Variants in DPP10 observed in about 807,000 individuals in gnomAD.
The protein encoded by DPP10 is dipeptidyl peptidase like 10, also known as inactive dipeptidyl peptidase 10.
Under a neutral mutation model 120.9 loss-of-function variants are expected in DPP10, and 33 were observed. The observed-to-expected ratio is 0.27, with a 90% CI of 0.21 to 0.37. The LOEUF (loss-of-function observed/expected upper bound fraction) is 0.37, where lower values mean the gene tolerates loss of function less well. Ranked by LOEUF, DPP10 falls within the 10% of genes least tolerant of loss-of-function variation. DPP10 has a pLI of 1.00. For missense variants in DPP10, 816 were observed against 942.8 expected, an observed-to-expected ratio of 0.87 and a Z score of 1.76; for synonymous variants, 337 against 326.1, an observed-to-expected ratio of 1.03 and a Z score of -0.36.
chr2:115,067,093 A>G (rs1437075835), intron 1 of DPP10, among the ~76,000 whole-genome samples: 1 of 151,940 alleles, frequency 6.6e-6, no homozygotes, highest in African/African-American at 2.4e-5. Context: ...GGCAATCATC[A>G]TTTTTCTCTC....
At chr2:115,726,176 A>G (rs953059145) in intron 7 of DPP10, among the ~76,000 whole-genome samples, 26 of 152,106 alleles carry the variant, frequency 1.7e-4, no homozygotes, top group Non-Finnish European at 1.5e-5. Context: ...TATTGCTGCT[A>G]CTGTTCTGCT....
intron 5 of DPP10, among the ~76,000 whole-genome samples, chr2:115,592,558 C>A (rs186465437): frequency 1.4e-4 from 20 of 145,782 alleles, no homozygotes; most frequent in African/African-American, 4.9e-4. Flanking sequence ...CATGGTGAAA[C>A]CCCGTCTCTG....
At chr2:115,224,432 T>G (rs2057333419) in intron 1 of DPP10, among the ~76,000 whole-genome samples, 1 of 152,110 alleles carries the variant, frequency 6.6e-6, no homozygotes, top group Admixed American at 6.6e-5. Flanking sequence ...TATTAAAAAT[T>G]TGCTAGGTGA....
intron 1 of DPP10, among the ~76,000 whole-genome samples, chr2:115,009,801 G>A (rs987599819): frequency 3.3e-5 from 5 of 151,984 alleles, no homozygotes; most frequent in African/African-American, 9.7e-5. Flanking sequence ...GATATCCCAA[G>A]TTACACTAAT....
chr2:114,508,083 CTT>C (rs1238745160), intron 1 of DPP10, among the ~76,000 whole-genome samples: 3 of 151,378 alleles, frequency 2.0e-5, no homozygotes, highest in African/African-American at 4.9e-5. Context: ...TTCTTTCTCT[CTT>C]CTTTGTTTCT....
At chr2:114,971,035 T>C (rs1699355316) in intron 1 of DPP10, among the ~76,000 whole-genome samples, 1 of 152,224 alleles carries the variant, frequency 6.6e-6, no homozygotes, top group African/African-American at 2.4e-5. Context: ...TTGTAACATG[T>C]GTTTTATAAA....
chr2:115,488,780 A>G (rs1368078926), intron 3 of DPP10, among the ~76,000 whole-genome samples: 5 of 133,210 alleles, frequency 3.8e-5, no homozygotes, highest in Admixed American at 7.7e-5. Flanking sequence ...ACCTAATGCT[A>G]GATGACACAT....
intron 3 of DPP10, among the ~76,000 whole-genome samples, chr2:115,455,016 A>T (rs1474766903): frequency 6.6e-6 from 1 of 150,988 alleles, no homozygotes; most frequent in African/African-American, 2.4e-5. Context: ...AAATGTAAGT[A>T]TAATATATAT....
chr2:115,193,108 C>T (rs1052872625), intron 1 of DPP10, among the ~76,000 whole-genome samples: 1 of 152,146 alleles, frequency 6.6e-6, no homozygotes, highest in African/African-American at 2.4e-5. Flanking sequence ...GTTTTACATT[C>T]AGGAGGCCGA....
At chr2:115,020,503 A>G (rs1345532835) in intron 1 of DPP10, among the ~76,000 whole-genome samples, 1 of 152,132 alleles carries the variant, frequency 6.6e-6, no homozygotes, top group Non-Finnish European at 1.5e-5. Flanking sequence ...GAGCTCCCAA[A>G]TTTATAAAGC....
chr2:115,002,135 A>G (rs779654751), intron 1 of DPP10, among the ~76,000 whole-genome samples: 1 of 152,208 alleles, frequency 6.6e-6, no homozygotes, highest in Non-Finnish European at 1.5e-5. Context: ...AAACTATACT[A>G]CAATGGTATA....
chr2:115,381,083 A>T (rs545042339), intron 3 of DPP10, among the ~76,000 whole-genome samples: 7 of 152,024 alleles, frequency 4.6e-5, no homozygotes, highest in Admixed American at 6.6e-5. Flanking sequence ...GTATTTCCTG[A>T]ATCTGAATGT....
intron 1 of DPP10, among the ~76,000 whole-genome samples, chr2:114,645,209 G>C (rs1696025637): frequency 6.6e-6 from 1 of 152,080 alleles, no homozygotes; most frequent in African/African-American, 2.4e-5. Context: ...AAGTGCTTTT[G>C]GCTAAAAGGC....
At chr2:115,594,749 T>A (rs1369218501) in intron 5 of DPP10, among the ~76,000 whole-genome samples, 1 of 152,132 alleles carries the variant, frequency 6.6e-6, no homozygotes, top group Non-Finnish European at 1.5e-5. Context: ...GCAAAACAAC[T>A]GTGGATGACA....
chr2:114,651,739 C>T lies in DPP10; in HGVS notation c.60+208901C>T, dbSNP rs140325825. On this transcript the variant is annotated intron_variant, in intron 1 of 25. Coordinates refer to ENST00000410059, the MANE Select transcript of DPP10 (RefSeq NM_020868.6). ...TTCTCATGAAAAGAAAAAAATTCAA[C>T]AATCCGCAACTGTTAGGAGATTTTA... is the stretch of plus-strand genomic sequence containing the variant. 4.2e-4 allele frequency among the ~76,000 whole-genome samples: 64 copies of T among 152,128 alleles called. No homozygotes were observed. In the East Asian group the frequency reaches 0.012, roughly 29 times the overall value.
At chr2:115,641,942 G>A (rs887967516) in intron 5 of DPP10, among the ~76,000 whole-genome samples, 5 of 152,150 alleles carry the variant, frequency 3.3e-5, no homozygotes, top group African/African-American at 4.8e-5. Flanking sequence ...ACCAACTTCT[G>A]CCTTAAGCAG....
chr2:115,771,303 A>C (rs1575733888), intron 13 of DPP10, among the ~76,000 whole-genome samples: 1 of 151,992 alleles, frequency 6.6e-6, no homozygotes, highest in East Asian at 1.9e-4. Context: ...CGAACTTCTG[A>C]CATCAGGTGA....
chr2:114,459,048 A>G (rs1573393036), intron 1 of DPP10, among the ~76,000 whole-genome samples: 1 of 152,348 alleles, frequency 6.6e-6, no homozygotes, highest in East Asian at 1.9e-4. Flanking sequence ...GAGAAAGAGG[A>G]GAATAATATA....
chr2:115,408,745 A>G (rs1186782025), intron 3 of DPP10, among the ~76,000 whole-genome samples: 2 of 152,234 alleles, frequency 1.3e-5, no homozygotes, highest in Admixed American at 1.3e-4. Flanking sequence ...CTTTTGAGAG[A>G]TATTAAAAAA....
Sources: gnomAD v4.1 joint callset for allele counts (sites outside exome capture counted in the v4.1 genomes callset) on GRCh38, gnomAD v4.1.1 for gene constraint, MANE v1.5 for transcripts, NCBI Gene and HGNC (gene_info 2026-07-23, HGNC 2026-07-21) for gene names.